SYNE2: variants seen among roughly 807,000 people sequenced by gnomAD.
SYNE2 encodes the protein nesprin-2.
In SYNE2, 431 loss-of-function variants were observed where a neutral mutation model predicts 856.3. The ratio of observed to expected loss-of-function variants is 0.50; its 90% CI spans 0.47 to 0.55. The LOEUF (loss-of-function observed/expected upper bound fraction) is 0.55, where lower values mean the gene tolerates loss of function less well. SYNE2 is among the 20% of genes least tolerant of loss of function. The pLI is 0.00. For synonymous variants in SYNE2, 2,923 were observed against 2,872.3 expected (o/e 1.02, Z -0.56); for missense variants, 8,129 against 8,023.2 (o/e 1.01, Z -0.50).
At position 64,025,384 on chromosome 14, in the gene SYNE2, G is replaced by A; in HGVS notation, c.6215G>A (p.Gly2072Asp). ...ESLMVLNSSE[G>D]KMPLEERIQK... The stretch of plus-strand genomic sequence containing the variant: ...CTTATGGTTTTGAATTCATCCGAAG[G>A]CAAAATGCCACTTGAGGAAAGAATC... The change falls in exon 41 of 116, where the codon GGC (glycine) becomes GAC (aspartate). Residue 2072 changes from glycine (G) to aspartate (D), a missense_variant. This residue lies in a region of SYNE2 where 297 missense variants were observed against 380.9 expected (regional missense o/e 0.78). Transcript: ENST00000555002. The A allele has an allele frequency of 1.2e-6, 2 of 1,613,510 alleles. No individual in the cohort carries two copies. Among genetic ancestry groups the A allele is most frequent in the Non-Finnish European group, 1.7e-6 (2 of 1,179,920 alleles).
In SYNE2 at chr14:64,025,406, A is replaced by C. The variant is rs766286642; in HGVS notation, c.6237A>C (p.Arg2079Ser). 3.5e-5 allele frequency: 57 copies of C among 1,612,578 alleles called. No homozygotes were observed. The South Asian group carries it at 6.2e-4, about 17-fold the overall frequency. ...SSEGKMPLEE[R>S]IQKIKEIILL... ...AAGGCAAAATGCCACTTGAGGAAAG[A>C]ATCCAAAAAATCAAGGTATAACTAT... Residue 2079 changes from arginine (R) to serine (S), a missense_variant, in exon 41 of 116, where the codon AGA becomes AGC. This residue lies in a region of SYNE2 where 297 missense variants were observed against 380.9 expected (regional missense o/e 0.78). Coordinates refer to ENST00000555002, the MANE Select transcript of SYNE2 (RefSeq NM_182914.3).
intron 104 of SYNE2, among the ~76,000 whole-genome samples, chr14:64,212,322 G>A (rs1003978758): frequency 1.3e-5 from 2 of 152,128 alleles, no homozygotes; most frequent in South Asian, 2.1e-4. Flanking sequence ...ACAGAGGTCC[G>A]CTCTCCCATT....
rs1875540540 is a variant in SYNE2 at position 64,099,475 on chromosome 14, G to GACT, written c.12381+655_12381+656insCTA. The stretch of plus-strand genomic sequence containing the variant: ...CACACAGAGCAGACCTCTTGTCCTA[G>GACT]AGTGTGTCGCTGGGACATGGTGGAA... On this transcript the variant is annotated intron_variant, in intron 63 of 115. Coordinates refer to ENST00000555002, the MANE Select transcript of SYNE2 (RefSeq NM_182914.3). 3 of 157,006 alleles carry GACT rather than the reference G, an allele frequency of 1.9e-5. No homozygotes were observed. In the South Asian group the frequency reaches 5.7e-4, roughly 30 times the overall value. 9.7% of individuals were successfully genotyped at this position (157,006 alleles called of 1,614,324 possible). A position where few individuals can be genotyped will look rare whatever the true frequency, so the allele number is the denominator to read the frequency against.
rs116463404 is a variant in SYNE2 at position 63,789,021 on chromosome 14, T to G, written c.-305+27035T>G. On this transcript the variant is annotated intron_variant, in intron 1 of 23. Transcript: ENST00000674003. Reference sequence around the variant, plus strand: ...TGGTGTATATATACACAATGGAATATTATTTAGCTATAAGAAAGAATGGAT... The same window carrying G: ...TGGTGTATATATACACAATGGAATAGTATTTAGCTATAAGAAAGAATGGAT... Among the ~76,000 whole-genome samples the G allele has an allele frequency of 6.6e-3, 1,007 of 152,276 alleles. 8 individuals are homozygous for G. The highest frequency in any genetic ancestry group is 0.023 in the African/African-American group (964 of 41,562).
At chr14:64,036,746 A>G (rs1417502198) in intron 45 of SYNE2, among the ~76,000 whole-genome samples, 3 of 152,164 alleles carry the variant, frequency 2.0e-5, no homozygotes, top group African/African-American at 7.2e-5. Flanking sequence ...ATATACTATT[A>G]ATATTGGAAA....
Position 64,152,708 on chromosome 14 carries a change from C to T in SYNE2, c.15784C>T (p.Leu5262Phe), listed in dbSNP as rs756865745. Residue 5262 changes from leucine (L) to phenylalanine (F), a missense_variant, in exon 85 of 116, where the codon CTC (leucine) becomes TTC (phenylalanine). Physicochemically the swap from Leu to Phe is conservative, Grantham distance 22. Around this residue, in one of 3 missense-constraint regions of SYNE2, gnomAD observed 5,410 missense variants for 5,284.8 expected, o/e 1.02. Coordinates refer to ENST00000555002, the MANE Select transcript of SYNE2 (RefSeq NM_182914.3). ...DELFQKRSSV[L>F]TQVNQLKTSM... ...GTTATTTCAAAAGAGAAGCAGTGTTCTCACTCAGGTACTAGAATTCATTTG... is the reference window on the plus strand; with the variant it reads ...GTTATTTCAAAAGAGAAGCAGTGTTTTCACTCAGGTACTAGAATTCATTTG... The T allele has an allele frequency of 6.2e-7, 1 of 1,614,074 alleles. No individual in the cohort carries two copies. The highest frequency in any genetic ancestry group is 1.7e-5 in the Admixed American group (1 of 60,024).
At chr14:63,800,239 T>C (rs1888082195) in intron 1 of SYNE2, among the ~76,000 whole-genome samples, 1 of 152,082 alleles carries the variant, frequency 6.6e-6, no homozygotes, top group African/African-American at 2.4e-5. Flanking sequence ...TGGTTTTTTT[T>C]TTGAGACGGA....
At position 64,224,383 on chromosome 14, in the gene SYNE2, T is replaced by C. The variant is rs1457928813; in HGVS notation, c.20383-78T>C. The C allele has an allele frequency of 6.3e-6, 8 of 1,277,000 alleles. No homozygotes were observed. In the African/African-American group the frequency reaches 1.2e-4, roughly 19 times the overall value. 79.1% of individuals were successfully genotyped at this position (1,277,000 alleles called of 1,614,324 possible). ...AAAACAAAAAAAGATTGATTTAAGG[T>C]AGGGGAGGGTGAGCTATATCATGAA... On this transcript the variant is annotated intron_variant, in intron 113 of 115. Transcript: ENST00000555002.
At chr14:64,203,036 A>G (rs1168256661) in intron 100 of SYNE2, 73 bp downstream of exon 100, 11 of 1,576,694 alleles carry the variant, frequency 7.0e-6, no homozygotes, top group African/African-American at 1.3e-5. Context: ...CCTTCCCCGT[A>G]TATCTATGTG....
chr14:64,029,823 C>T, intron 43 of SYNE2, 72 bp from the exon 44 acceptor site: 5 of 1,480,036 alleles, frequency 3.4e-6, no homozygotes, highest in African/African-American at 1.4e-5. Context: ...ATTTATTAGT[C>T]ATTTAATTAT....
At chr14:64,200,292 G>A (rs192941501) in intron 99 of SYNE2, among the ~76,000 whole-genome samples, 3 of 152,334 alleles carry the variant, frequency 2.0e-5, no homozygotes, top group Admixed American at 1.3e-4. Flanking sequence ...TCTGGGAAGA[G>A]GGAGAAGTGG....
At chr14:64,132,653 G>A (rs867767026) in intron 77 of SYNE2, among the ~76,000 whole-genome samples, 38 of 152,262 alleles carry the variant, frequency 2.5e-4, no homozygotes, top group Middle Eastern at 3.4e-3. Context: ...ATGGTACTGC[G>A]TCTCTCTGCC....
chr14:63,857,557 A>T (rs1302820679), intron 1 of SYNE2, among the ~76,000 whole-genome samples: 3 of 152,234 alleles, frequency 2.0e-5, no homozygotes, highest in Admixed American at 6.5e-5. Context: ...ATACTTTTCC[A>T]AAGTGGTTAT....
intron 2 of SYNE2, among the ~76,000 whole-genome samples, chr14:63,932,516 G>A (rs962271118): frequency 6.6e-6 from 1 of 152,016 alleles, no homozygotes; most frequent in Non-Finnish European, 1.5e-5. Context: ...AGACCAGCCT[G>A]GGCAACATGG....
At chr14:63,866,645 G>T (rs888891467) in intron 1 of SYNE2, among the ~76,000 whole-genome samples, 6 of 152,114 alleles carry the variant, frequency 3.9e-5, no homozygotes, top group African/African-American at 1.4e-4. Flanking sequence ...GATCAAAATT[G>T]TAAGTTCTGT....
intron 6 of SYNE2, among the ~76,000 whole-genome samples, chr14:63,948,782 G>GTGTGTGTATA (rs1454688156): frequency 2.3e-5 from 1 of 43,906 alleles, no homozygotes; most frequent in African/African-American, 8.1e-5. Flanking sequence ...ATGTGTGTGT[G>GTGTGTGTATA]TATATATATA....
intron 2 of SYNE2, among the ~76,000 whole-genome samples, chr14:63,924,377 T>C (rs542547675): frequency 1.2e-4 from 18 of 152,284 alleles, no homozygotes; most frequent in African/African-American, 4.1e-4. Flanking sequence ...AGGATTAGCT[T>C]GTCCAATTCT....
intron 1 of SYNE2, among the ~76,000 whole-genome samples, chr14:63,790,598 C>T (rs911158316): frequency 1.3e-5 from 2 of 152,076 alleles, no homozygotes; most frequent in African/African-American, 4.8e-5. Context: ...TGTAGAGGAG[C>T]ATTTCCAAGG....
chr14:63,879,562 A>G (rs2094810413), intron 1 of SYNE2, among the ~76,000 whole-genome samples: 1 of 152,342 alleles, frequency 6.6e-6, no homozygotes, highest in East Asian at 1.9e-4. Context: ...GAGGGTGGGA[A>G]AGCCGATCTG....
Sources: allele counts gnomAD v4.1 joint callset (sites outside exome capture counted in the v4.1 genomes callset), GRCh38; gene constraint gnomAD v4.1.1; regional missense constraint gnomAD v4.1.1; transcripts MANE v1.5; gene names NCBI Gene and HGNC (gene_info 2026-07-23, HGNC 2026-07-21).